The following ZNF804A variants were observed in gnomAD, a reference collection of about 807,000 sequenced individuals.
ZNF804A encodes the protein zinc finger protein 804A.
Under a neutral mutation model 16.5 loss-of-function variants are expected in ZNF804A, and 2 were observed. The ratio of observed to expected loss-of-function variants is 0.12; its 90% confidence interval spans 0.05 to 0.38. The LOEUF is 0.38. Among genes scored for constraint, ZNF804A ranks in the 10% least tolerant of loss-of-function variants. The pLI is 0.99. For synonymous variants in ZNF804A, 534 were observed against 489.6 expected, an observed-to-expected ratio of 1.09 and a Z score of -1.20; for missense variants, 1,473 against 1,390.7, an observed-to-expected ratio of 1.06 and a Z score of -0.94.
chr2:184,809,405 A>G (rs951045975), intron 1 of ZNF804A, among the ~76,000 whole-genome samples: 2 of 152,018 alleles, frequency 1.3e-5, no homozygotes, highest in South Asian at 4.1e-4. Context: ...GTAATACAGG[A>G]CAAAAGAAAA....
chr2:184,859,310 C>T (rs980462862), intron 1 of ZNF804A, among the ~76,000 whole-genome samples: 11 of 151,498 alleles, frequency 7.3e-5, no homozygotes, highest in African/African-American at 2.7e-4. Context: ...ATTATTTCTC[C>T]TCTGACTGTA....
rs570393972 is a variant in ZNF804A, at chr2:184,866,396, G to T, written c.139G>T (p.Ala47Ser). 1 of 1,613,102 alleles carries T rather than the reference G, an allele frequency of 6.2e-7. No homozygotes were observed. The highest frequency in any genetic ancestry group is 8.5e-7 in the Non-Finnish European group (1 of 1,179,506). The change falls in exon 2 of 4, where the codon GCA becomes TCA. Residue 47 changes from alanine to serine, a missense_variant. Physicochemically the swap from Ala to Ser is moderately conservative, Grantham distance 99. Coordinates refer to ENST00000302277, the MANE Select transcript of ZNF804A (RefSeq NM_194250.2). ...CTATGCTGAGAAGGAAAATACCATA[G>T]CAAAAGCTCTGGAAGATCTGAAGGC... ...LDYAEKENTI[A>S]KALEDLKANF...
chr2:184,626,443 A>C lies in ZNF804A; in HGVS notation c.111+27373A>C, dbSNP rs981580010. On this transcript the variant is annotated intron_variant, in intron 1 of 3. Coordinates refer to ENST00000302277, the MANE Select transcript of ZNF804A (RefSeq NM_194250.2). ...TGCTTACTACTTGATAGAAATTAAAATCCACATTTTTTCATAAACTTAAAT... is the reference window on the plus strand; with the variant it reads ...TGCTTACTACTTGATAGAAATTAAACTCCACATTTTTTCATAAACTTAAAT... Among the ~76,000 whole-genome samples, 4 of 152,288 alleles carry C rather than the reference A, an allele frequency of 2.6e-5. No individual in the cohort carries two copies. The East Asian group carries it at 7.7e-4, about 29-fold the overall frequency.
intron 1 of ZNF804A, among the ~76,000 whole-genome samples, chr2:184,790,899 C>A (rs747113555): frequency 6.6e-6 from 1 of 152,086 alleles, no homozygotes; most frequent in African/African-American, 2.4e-5. Context: ...CACTGCGCCC[C>A]GCCTCAAACC....
intron 1 of ZNF804A, among the ~76,000 whole-genome samples, chr2:184,747,336 A>AG (rs1693804677): frequency 1.3e-5 from 2 of 149,664 alleles, no homozygotes; most frequent in African/African-American, 2.4e-5. Context: ...AAAAAAAAAA[A>AG]AAAAAAGAAA....
intron 1 of ZNF804A, among the ~76,000 whole-genome samples, chr2:184,750,821 C>T (rs1242953491): frequency 6.6e-6 from 1 of 151,284 alleles, no homozygotes; most frequent in Non-Finnish European, 1.5e-5. Flanking sequence ...CCTGATACCT[C>T]CATGTACCAC....
intron 2 of ZNF804A, among the ~76,000 whole-genome samples, chr2:184,916,880 C>G (rs1460481234): frequency 6.6e-6 from 1 of 151,322 alleles, no homozygotes. Context: ...AAAACAAAAA[C>G]AGAAAAAGAA....
chr2:184,741,536 G>T (rs1172144456), intron 1 of ZNF804A, among the ~76,000 whole-genome samples: 1 of 152,096 alleles, frequency 6.6e-6, no homozygotes, highest in Non-Finnish European at 1.5e-5. Flanking sequence ...ATAAATCGCA[G>T]AATATCTGGC....
At chr2:184,846,300 C>G (rs1695516090) in intron 1 of ZNF804A, among the ~76,000 whole-genome samples, 2 of 152,112 alleles carry the variant, frequency 1.3e-5, no homozygotes, top group Non-Finnish European at 2.9e-5. Flanking sequence ...TTACCCAAGA[C>G]TACTGTGAAA....
intron 1 of ZNF804A, among the ~76,000 whole-genome samples, chr2:184,692,145 A>T (rs1240151728): frequency 6.6e-6 from 1 of 152,184 alleles, no homozygotes; most frequent in African/African-American, 2.4e-5. Context: ...ATGTGTCTTT[A>T]TAAATATTAA....
chr2:184,816,383 G>C (rs1414089901), intron 1 of ZNF804A, among the ~76,000 whole-genome samples: 1 of 151,854 alleles, frequency 6.6e-6, no homozygotes, highest in African/African-American at 2.4e-5. Flanking sequence ...ATCCTTCGAG[G>C]GGCTGTGTTT....
chr2:184,914,803 T>TTTCCC (rs1203730872), intron 2 of ZNF804A, among the ~76,000 whole-genome samples: 45 of 152,114 alleles, frequency 3.0e-4, no homozygotes, highest in South Asian at 1.7e-3. Flanking sequence ...ACTGTGTCTA[T>TTTCCC]ATATTATTTT....
intron 1 of ZNF804A, among the ~76,000 whole-genome samples, chr2:184,770,801 C>T (rs1694198383): frequency 6.6e-6 from 1 of 151,820 alleles, no homozygotes; most frequent in Admixed American, 6.6e-5. Context: ...ATTTTTGTAC[C>T]CTCCTGGCAT....
chr2:184,766,413 A>T (rs912404868), intron 1 of ZNF804A, among the ~76,000 whole-genome samples: 3 of 152,056 alleles, frequency 2.0e-5, no homozygotes, highest in African/African-American at 7.2e-5. Context: ...TACCCAAAAG[A>T]TTTTTAAGAT....
At chr2:184,705,391 A>T (rs1223899928) in intron 1 of ZNF804A, among the ~76,000 whole-genome samples, 2 of 152,188 alleles carry the variant, frequency 1.3e-5, no homozygotes, top group Non-Finnish European at 2.9e-5. Context: ...AATAAATATG[A>T]TATTACATAT....
chr2:184,905,121 G>T (rs958534842), intron 2 of ZNF804A, among the ~76,000 whole-genome samples: 1 of 151,752 alleles, frequency 6.6e-6, no homozygotes, highest in Non-Finnish European at 1.5e-5. Context: ...GTGTCATTAT[G>T]ATTAAGTCAG....
intron 1 of ZNF804A, among the ~76,000 whole-genome samples, chr2:184,795,848 T>C (rs552418004): frequency 1.2e-4 from 18 of 152,178 alleles, no homozygotes; most frequent in Non-Finnish European, 2.4e-4. Flanking sequence ...TCTGGAAAGA[T>C]ACAGCCCTCC....
intron 1 of ZNF804A, among the ~76,000 whole-genome samples, chr2:184,695,014 G>A (rs1692804108): frequency 6.6e-6 from 1 of 152,196 alleles, no homozygotes; most frequent in African/African-American, 2.4e-5. Context: ...GAGGGGAAAG[G>A]TGAGATTGAG....
chr2:184,892,997 A>C (rs1482052053), intron 2 of ZNF804A, among the ~76,000 whole-genome samples: 1 of 152,194 alleles, frequency 6.6e-6, no homozygotes, highest in Non-Finnish European at 1.5e-5. Flanking sequence ...AGTTAAAAAT[A>C]ATATATCGTA....
Sources: allele counts gnomAD v4.1 joint callset (sites outside exome capture counted in the v4.1 genomes callset), GRCh38; gene constraint gnomAD v4.1.1; transcripts MANE v1.5; gene names NCBI Gene and HGNC (gene_info 2026-07-23, HGNC 2026-07-21).